SPAG17: variants seen among roughly 807,000 people sequenced by gnomAD.
SPAG17 encodes sperm associated antigen 17.
In SPAG17, 169 loss-of-function variants were observed where a neutral mutation model predicts 273.6. That is an observed-to-expected ratio of 0.62 (90% confidence interval 0.55 to 0.70). The LOEUF (loss-of-function observed/expected upper bound fraction) is 0.70. SPAG17 is among the 30% of genes least tolerant of loss of function. The probability of loss-of-function intolerance (pLI) is 0.00; values close to 1 mark genes in which losing one functional copy is unlikely to be tolerated. For missense variants in SPAG17, 2,557 were observed against 2,627.8 expected (o/e 0.97, Z 0.59); for synonymous variants, 825 against 873.2 (o/e 0.94, Z 0.97).
chr1:118,149,220 A>G (rs1262588852), intron 3 of SPAG17, among the ~76,000 whole-genome samples: 1 of 152,180 alleles, frequency 6.6e-6, no homozygotes, highest in Non-Finnish European at 1.5e-5. Context: ...TGCAACCAAG[A>G]GTCTCAGCAC....
At chr1:118,114,104 T>C (rs745527096) in intron 4 of SPAG17, among the ~76,000 whole-genome samples, 9 of 152,158 alleles carry the variant, frequency 5.9e-5, no homozygotes, top group Non-Finnish European at 1.0e-4. Context: ...GCATTGGAAT[T>C]TAAACAGGCA....
At chr1:118,141,063 C>A (rs1658654502) in intron 3 of SPAG17, among the ~76,000 whole-genome samples, 1 of 152,134 alleles carries the variant, frequency 6.6e-6, no homozygotes, top group African/African-American at 2.4e-5. Flanking sequence ...CAGTGTTTTC[C>A]TCAGTAATTC....
chr1:118,003,375 G>T (rs975376933), intron 32 of SPAG17, among the ~76,000 whole-genome samples: 1 of 152,178 alleles, frequency 6.6e-6, no homozygotes, highest in African/African-American at 2.4e-5. Flanking sequence ...GGCCTGCCTT[G>T]CTAGGTTGAG....
rs750333650 is a variant in SPAG17 at position 118,150,532 on chromosome 1, C to G, written c.315+11G>C. On this transcript the variant is annotated intron_variant, in intron 3 of 48. Coordinates refer to ENST00000336338, the MANE Select transcript of SPAG17 (RefSeq NM_206996.4). ...AACACAAAAATATCTTCTATAAACA[C>G]TTTCACTTACCTCATAATATAAAGG... 4.8e-6 allele frequency: 7 copies of G among 1,455,990 alleles called. No individual in the cohort carries two copies. In the South Asian group the frequency reaches 7.8e-5, roughly 16 times the overall value. The allele number at this position is 1,455,990 out of a possible 1,614,324, so 90.2% of individuals were successfully genotyped here. A position where few individuals can be genotyped will look rare whatever the true frequency, so the allele number is the denominator to read the frequency against.
At chr1:117,957,422 T>A (rs1396553370) in intron 48 of SPAG17, among the ~76,000 whole-genome samples, 1 of 151,814 alleles carries the variant, frequency 6.6e-6, no homozygotes, top group Admixed American at 6.6e-5. Context: ...AGGATCATGA[T>A]GACCCACCTC....
intron 3 of SPAG17, among the ~76,000 whole-genome samples, chr1:118,126,236 C>A (rs1305016599): frequency 7.9e-6 from 1 of 127,266 alleles, no homozygotes; most frequent in Non-Finnish European, 1.6e-5. Context: ...GACAGAGTCT[C>A]GCTCTGTTGC....
intron 1 of SPAG17, among the ~76,000 whole-genome samples, chr1:118,155,151 T>G (rs1057314369): frequency 6.6e-6 from 1 of 152,074 alleles, no homozygotes; most frequent in African/African-American, 2.4e-5. Flanking sequence ...ATGGACACAA[T>G]CCATTTCCTT....
intron 18 of SPAG17, among the ~76,000 whole-genome samples, chr1:118,066,085 A>G (rs1652932235): frequency 6.6e-6 from 1 of 152,194 alleles, no homozygotes; most frequent in Non-Finnish European, 1.5e-5. Context: ...GTGCCCACAT[A>G]CAGTATATTC....
chr1:117,966,024 C>T (rs1343285289), intron 47 of SPAG17: 1 of 152,166 alleles, frequency 6.6e-6, no homozygotes, highest in Non-Finnish European at 1.5e-5. Context: ...AGAACTGTAA[C>T]ACAAGCAGCA....
chr1:118,147,718 A>G (rs1406340909), intron 3 of SPAG17, among the ~76,000 whole-genome samples: 1 of 152,240 alleles, frequency 6.6e-6, no homozygotes, highest in Non-Finnish European at 1.5e-5. Context: ...TCTCATAATG[A>G]GGCTGTGTGT....
chr1:118,067,580 AC>A (rs1653111807), intron 17 of SPAG17, among the ~76,000 whole-genome samples: 1 of 152,182 alleles, frequency 6.6e-6, no homozygotes. Flanking sequence ...CAGACATCAG[AC>A]TTGCAGCTTC....
chr1:118,017,551 T>C (rs1255810093), intron 28 of SPAG17, among the ~76,000 whole-genome samples: 1 of 152,178 alleles, frequency 6.6e-6, no homozygotes, highest in African/African-American at 2.4e-5. Context: ...ACAGGTGATA[T>C]TTAATAACTA....
chr1:117,954,748 T>C, intron 48 of SPAG17: 1 of 1,066,966 alleles, frequency 9.4e-7, no homozygotes, highest in Non-Finnish European at 1.4e-6. Context: ...TCTTCAAAAG[T>C]CTCTTTTGAA....
chr1:118,041,830 G>A lies in SPAG17; in HGVS notation c.3027C>T (p.His1009=), dbSNP rs778058604. 6.2e-7 allele frequency: 1 copy of A among 1,613,374 alleles called. No homozygotes were observed. The highest frequency in any genetic ancestry group is 1.3e-5 in the African/African-American group (1 of 74,818). Residue 1009 remains histidine (H), a synonymous_variant, in exon 21 of 49, where the codon CAC becomes CAT. Coordinates refer to ENST00000336338, the MANE Select transcript of SPAG17 (RefSeq NM_206996.4). ...KIQEVTEESP[H]QPEPKITYPF... ...GGTAAGTTATCTTAGGTTCTGGTTG[G>A]TGGGGGGACTCTTCTGTTACTTCTT...
At chr1:118,018,828 A>C (rs1266708974) in intron 28 of SPAG17, among the ~76,000 whole-genome samples, 1 of 152,164 alleles carries the variant, frequency 6.6e-6, no homozygotes, top group Non-Finnish European at 1.5e-5. Context: ...TACCTAGTGA[A>C]ATTATCTTTC....
intron 20 of SPAG17, among the ~76,000 whole-genome samples, chr1:118,048,090 A>G (rs1025644213): frequency 2.0e-5 from 3 of 152,152 alleles, no homozygotes; most frequent in East Asian, 1.9e-4. Flanking sequence ...AGTCAGCCCC[A>G]TGCTCCAGGC....
chr1:118,145,592 C>T (rs902560220), intron 3 of SPAG17, among the ~76,000 whole-genome samples: 2 of 152,020 alleles, frequency 1.3e-5, no homozygotes, highest in South Asian at 2.1e-4. Context: ...AAAAATCTTT[C>T]CACATTTGAT....
chr1:118,049,842 T>C (rs72697585), intron 20 of SPAG17, among the ~76,000 whole-genome samples: 2,134 of 152,156 alleles, frequency 0.014, 18 homozygotes, highest in Non-Finnish European at 0.022. Flanking sequence ...GACCATCAGG[T>C]GATGGCCAGG....
At chr1:118,007,977 A>T in intron 31 of SPAG17, 67 bp downstream of exon 31, 3 of 1,592,510 alleles carry the variant, frequency 1.9e-6, no homozygotes, top group Non-Finnish European at 1.7e-6. Flanking sequence ...ACTGCCCCAG[A>T]GAAGTGGGTT....
Sources: allele counts gnomAD v4.1 joint callset (sites outside exome capture counted in the v4.1 genomes callset), GRCh38; gene constraint gnomAD v4.1.1; transcripts MANE v1.5; gene names NCBI Gene and HGNC (gene_info 2026-07-23, HGNC 2026-07-21).